Variants in LMNTD1 observed in about 807,000 individuals in gnomAD.
LMNTD1 encodes the protein lamin tail domain containing 1.
LMNTD1 carries 35 observed loss-of-function variants against 50.9 expected under a neutral mutation model. The ratio of observed to expected loss-of-function variants is 0.69; its 90% confidence interval spans 0.53 to 0.91. The LOEUF is 0.91. LMNTD1 is among the 40% of genes least tolerant of loss of function. LMNTD1 has a pLI of 0.00. For synonymous variants in LMNTD1, 153 were observed against 161.9 expected (o/e 0.94, Z 0.42); for missense variants, 470 against 475.5 (o/e 0.99, Z 0.11).
At position 25,603,738 on chromosome 12, in the gene LMNTD1, T is replaced by C. The variant is rs188523686; in HGVS notation, c.58+44756A>G. Reference sequence around the variant, plus strand: ...ACACAAATAGCATAGGGCAGAATAATAAGTGACTTAAAATGCATAAATGAA... The same window carrying C: ...ACACAAATAGCATAGGGCAGAATAACAAGTGACTTAAAATGCATAAATGAA... On this transcript the variant is annotated intron_variant, in intron 1 of 7. Transcript: ENST00000445693. Among the ~76,000 whole-genome samples, 276 of 152,150 alleles carry C rather than the reference T, an allele frequency of 1.8e-3. 1 individual carries two copies. Among genetic ancestry groups the C allele is most frequent in the Middle Eastern group, 3.4e-3 (1 of 294 alleles).
chr12:25,549,330 G>C lies in LMNTD1; in HGVS notation c.306C>G (p.Ser102Arg), dbSNP rs1943618520. The C allele has an allele frequency of 1.9e-6, 3 of 1,595,876 alleles. No homozygotes were observed. The highest frequency in any genetic ancestry group is 1.3e-5 in the African/African-American group (1 of 74,300). Residue 102 changes from serine (S) to arginine (R), a missense_variant, in exon 3 of 10, where the codon AGC (serine) becomes AGG (arginine). By Grantham distance (110) the Ser-to-Arg change is moderately radical. Transcript: ENST00000458174. ...TVGSCSRVEN[S>R]LDASPFSVPK... is the part of the protein sequence containing the mutation. ...TGGGTTCCATATTTTGCTTACCCAA[G>C]CTGTTTTCCACTCTGGAACAGCTAC...
At chr12:25,645,366 G>A (rs1230466945) in intron 1 of LMNTD1, among the ~76,000 whole-genome samples, 1 of 152,182 alleles carries the variant, frequency 6.6e-6, no homozygotes, top group Non-Finnish European at 1.5e-5. Flanking sequence ...CAATAATTAA[G>A]GAATAATTGC....
chr12:25,632,691 C>A (rs1160895050), intron 1 of LMNTD1, among the ~76,000 whole-genome samples: 3 of 152,104 alleles, frequency 2.0e-5, no homozygotes, highest in African/African-American at 7.2e-5. Context: ...AAAACAGAAT[C>A]TCTTTAAAGC....
chr12:25,599,829 T>C (rs1945921849), intron 1 of LMNTD1, among the ~76,000 whole-genome samples: 1 of 151,982 alleles, frequency 6.6e-6, no homozygotes, highest in Non-Finnish European at 1.5e-5. Flanking sequence ...ATATTCCATG[T>C]TCATGGATTG....
At position 25,637,500 on chromosome 12, in the gene LMNTD1, G is replaced by A. The variant is rs146249939; in HGVS notation, c.58+10994C>T. Among the ~76,000 whole-genome samples, 10 of 152,172 alleles carry A rather than the reference G, an allele frequency of 6.6e-5. No individual in the cohort carries two copies. In the East Asian group the frequency reaches 9.6e-4, roughly 15 times the overall value. The stretch of plus-strand genomic sequence containing the variant: ...GAAAAATTCACTACAGAACTTTAAC[G>A]ATAGATTTAATCTGGCAGAAGAATC... On this transcript the variant is annotated intron_variant, in intron 1 of 7. Transcript: ENST00000445693.
intron 9 of LMNTD1, among the ~76,000 whole-genome samples, chr12:25,491,508 T>G (rs763234092): frequency 6.6e-6 from 1 of 152,216 alleles, no homozygotes; most frequent in Non-Finnish European, 1.5e-5. Context: ...GAGATGGGAA[T>G]GCCCAAAAGA....
chr12:25,493,481 T>G (rs901871403), intron 9 of LMNTD1, among the ~76,000 whole-genome samples: 2 of 152,214 alleles, frequency 1.3e-5, no homozygotes, highest in Admixed American at 6.5e-5. Context: ...TTCAAACAGA[T>G]TCTCCTTGTT....
At chr12:25,537,783 G>T (rs967415220) in intron 4 of LMNTD1, among the ~76,000 whole-genome samples, 3 of 152,102 alleles carry the variant, frequency 2.0e-5, no homozygotes, top group Non-Finnish European at 2.9e-5. Context: ...CTGAGCTATG[G>T]GAGGACATTC....
At chr12:25,497,805 A>T (rs1353829829) in intron 9 of LMNTD1, 1 of 152,134 alleles carries the variant, frequency 6.6e-6, no homozygotes, top group African/African-American at 2.4e-5. Context: ...CTGAAAAAAA[A>T]AAAATGCATA....
chr12:25,617,768 C>T (rs1946379761), intron 1 of LMNTD1, among the ~76,000 whole-genome samples: 1 of 152,164 alleles, frequency 6.6e-6, no homozygotes, highest in Non-Finnish European at 1.5e-5. Context: ...ACGTGATACA[C>T]AGGTAAATAA....
intron 1 of LMNTD1, among the ~76,000 whole-genome samples, chr12:25,597,682 G>A (rs1036916043): frequency 1.3e-5 from 2 of 152,072 alleles, no homozygotes; most frequent in African/African-American, 4.8e-5. Flanking sequence ...TCACCCAATG[G>A]CTGCAGAATA....
intron 2 of LMNTD1, among the ~76,000 whole-genome samples, chr12:25,550,271 G>A (rs148056942): frequency 1.5e-3 from 224 of 152,240 alleles, no homozygotes; most frequent in African/African-American, 5.3e-3. Flanking sequence ...AGGTTCATAA[G>A]CTTCAGTACA....
At chr12:25,481,865 TCACACACACACACACACACACACA>T (rs138084240) in intron 9 of LMNTD1, among the ~76,000 whole-genome samples, 6 of 132,612 alleles carry the variant, frequency 4.5e-5, no homozygotes, top group Admixed American at 4.1e-4. Context: ...TATTGCCTCT[TCACACACACACACACACACACACA>T]CACACACACA....
intron 1 of LMNTD1, among the ~76,000 whole-genome samples, chr12:25,610,460 G>A (rs1024988221): frequency 6.6e-6 from 1 of 152,044 alleles, no homozygotes; most frequent in Non-Finnish European, 1.5e-5. Context: ...GTTCCTATTT[G>A]GCCATCTTGG....
At chr12:25,623,133 CG>C (rs1946513067) in intron 1 of LMNTD1, among the ~76,000 whole-genome samples, 2 of 151,958 alleles carry the variant, frequency 1.3e-5, no homozygotes, top group African/African-American at 4.8e-5. Flanking sequence ...AAAACTCTAT[CG>C]TTTCCTGTAA....
intron 9 of LMNTD1, among the ~76,000 whole-genome samples, chr12:25,499,177 T>A (rs1032342892): frequency 4.6e-5 from 7 of 152,098 alleles, no homozygotes; most frequent in Admixed American, 3.3e-4. Flanking sequence ...GCTCAAATGA[T>A]CCTCTAGCCT....
At chr12:25,522,648 T>C (rs986713644) in intron 6 of LMNTD1, among the ~76,000 whole-genome samples, 2 of 152,176 alleles carry the variant, frequency 1.3e-5, no homozygotes, top group Non-Finnish European at 2.9e-5. Context: ...GAGTTCCTAT[T>C]GTATAGGACT....
chr12:25,579,968 G>C (rs1565498350), intron 1 of LMNTD1, among the ~76,000 whole-genome samples: 11 of 152,262 alleles, frequency 7.2e-5, no homozygotes, highest in Middle Eastern at 3.4e-3. Flanking sequence ...ACCCAGAGAA[G>C]AAAGTAAAAA....
intron 1 of LMNTD1, among the ~76,000 whole-genome samples, chr12:25,639,524 A>G (rs1946907020): frequency 6.6e-6 from 1 of 152,164 alleles, no homozygotes; most frequent in South Asian, 2.1e-4. Flanking sequence ...TTTTTTCAAA[A>G]AAGATATACG....
Sources: allele counts gnomAD v4.1 joint callset (sites outside exome capture counted in the v4.1 genomes callset), GRCh38; gene constraint gnomAD v4.1.1; transcripts MANE v1.5; gene names NCBI Gene and HGNC (gene_info 2026-07-23, HGNC 2026-07-21).